The following TPM4 variants were observed in gnomAD, a reference collection of about 807,000 sequenced individuals.
TPM4 encodes the protein tropomyosin alpha-4 chain.
A neutral mutation model predicts 35.8 loss-of-function variants in TPM4; 17 were observed. The ratio of observed to expected loss-of-function variants is 0.47; its 90% confidence interval spans 0.32 to 0.71. TPM4 has a LOEUF of 0.71. Among genes scored for constraint, TPM4 ranks in the 30% least tolerant of loss-of-function variants. The pLI, the probability that TPM4 is intolerant of heterozygous loss-of-function variation, is 0.03. For missense variants in TPM4, 240 were observed against 320.9 expected, an observed-to-expected ratio of 0.75 and a Z score of 1.93; for synonymous variants, 120 against 122.9, an observed-to-expected ratio of 0.98 and a Z score of 0.15.
chr19:16,102,208 G>A lies in TPM4; in HGVS notation c.*862G>A, dbSNP rs542892536. On this transcript the variant is annotated 3_prime_UTR_variant, in exon 8 of 8. Transcript: ENST00000643579. ...CTAAAAATACAAAAATTATGGTGACGCCTGCCTGTAGTCCCAGCTACTCGG... is the reference window on the plus strand; with the variant it reads ...CTAAAAATACAAAAATTATGGTGACACCTGCCTGTAGTCCCAGCTACTCGG... 6 of 186,432 alleles carry A rather than the reference G, an allele frequency of 3.2e-5. No homozygotes were observed. The South Asian group carries it at 5.9e-4, about 18-fold the overall frequency. The allele number at this position is 186,432 out of a possible 1,614,324, so 11.5% of individuals were successfully genotyped here. A position where few individuals can be genotyped will look rare whatever the true frequency, so the allele number is the denominator to read the frequency against.
At chr19:16,093,833 G>C (rs1042778318) in intron 7 of TPM4, 80 bp downstream of exon 7, 38 of 1,533,838 alleles carry the variant, frequency 2.5e-5, no homozygotes, top group Non-Finnish European at 3.1e-5. Context: ...GGGAATGTTT[G>C]TGGAGGGGCT....
chr19:16,080,354 T>C (rs1358750172), intron 1 of TPM4: 2 of 206,784 alleles, frequency 9.7e-6, no homozygotes, highest in African/African-American at 2.3e-5. Context: ...AATAAAACCG[T>C]GGCAGTAAGA....
At chr19:16,086,266 C>T (rs1258904205) in intron 2 of TPM4, among the ~76,000 whole-genome samples, 157 bp from the exon 3 acceptor site, 3 of 151,824 alleles carry the variant, frequency 2.0e-5, no homozygotes, top group African/African-American at 4.8e-5. Context: ...AGGAGAATCG[C>T]TTGAACCCGG....
chr19:16,099,718 C>G (rs2090742586), intron 7 of TPM4: 1 of 152,136 alleles, frequency 6.6e-6, no homozygotes, highest in Admixed American at 6.6e-5. Context: ...GGCCTTGTCC[C>G]TTATCAGCCA....
At chr19:16,088,118 G>T in intron 4 of TPM4, 21 bp downstream of exon 4, 1 of 1,604,660 alleles carries the variant, frequency 6.2e-7, no homozygotes, top group South Asian at 1.1e-5. Flanking sequence ...GAACAGGACT[G>T]AGCGAGGCTG....
At chr19:16,086,218 C>T (rs1045368579) in intron 2 of TPM4, among the ~76,000 whole-genome samples, 6 of 151,122 alleles carry the variant, frequency 4.0e-5, no homozygotes, top group Non-Finnish European at 7.4e-5. Flanking sequence ...GACATGGTGA[C>T]GGGTGCCTGT....
At chr19:16,069,976 G>A (rs2090341045) in intron 2 of TPM4, among the ~76,000 whole-genome samples, 1 of 151,872 alleles carries the variant, frequency 6.6e-6, no homozygotes, top group Non-Finnish European at 1.5e-5. Flanking sequence ...CTGCCCAGGA[G>A]AATGGCACGG....
intron 4 of TPM4, 66 bp from the exon 5 acceptor site, chr19:16,088,979 G>A: frequency 6.2e-7 from 1 of 1,607,206 alleles, no homozygotes; most frequent in Non-Finnish European, 8.5e-7. Context: ...TTTATTGTTG[G>A]GGCGATTGCT....
intron 5 of TPM4, among the ~76,000 whole-genome samples, chr19:16,090,325 C>G (rs2090610475): frequency 1.3e-5 from 2 of 151,604 alleles, no homozygotes; most frequent in South Asian, 4.2e-4. Flanking sequence ...TCTATGTTGC[C>G]TAGGCTGGTC....
chr19:16,088,475 C>T (rs571690264), intron 4 of TPM4: 2 of 1,080,144 alleles, frequency 1.9e-6, no homozygotes, highest in East Asian at 6.5e-5. Context: ...TGCTTTTGCT[C>T]CTGTCAGTGT....
At position 16,102,938 on chromosome 19, in the gene TPM4, A is replaced by G; in HGVS notation, c.*1592A>G. ...AAAATCCACACTTTAGATTCTTGCA[A>G]CTGTATCATATGTAATAGTATCACT... On this transcript the variant is annotated 3_prime_UTR_variant, in exon 8 of 8. Transcript: ENST00000643579. 4.6e-6 allele frequency: 1 copy of G among 218,180 alleles called. No individual in the cohort carries two copies. 13.5% of individuals were successfully genotyped at this position (218,180 alleles called of 1,614,324 possible).
intron 2 of TPM4, among the ~76,000 whole-genome samples, chr19:16,083,613 T>C (rs531511874): frequency 6.9e-6 from 1 of 145,352 alleles, no homozygotes; most frequent in South Asian, 2.1e-4. Context: ...CAGCAGTCTG[T>C]GTGTGGTGGA....
chr19:16,096,669 C>T (rs949543073), intron 7 of TPM4, among the ~76,000 whole-genome samples: 5 of 152,166 alleles, frequency 3.3e-5, no homozygotes, highest in African/African-American at 7.2e-5. Flanking sequence ...TTCACCTCCA[C>T]GCCCTGCCCT....
At chr19:16,088,324 T>G (rs1221737527) in intron 4 of TPM4, 94 of 1,368,690 alleles carry the variant, frequency 6.9e-5, no homozygotes, top group Non-Finnish European at 7.7e-5. Flanking sequence ...TGCAAAGATA[T>G]GAGGAAATAG....
At position 16,085,255 on chromosome 19, in the gene TPM4, G is replaced by GA. The variant is rs1334811686; in HGVS notation, c.267-1160dup. Among the ~76,000 whole-genome samples, 3 of 149,832 alleles carry GA rather than the reference G, an allele frequency of 2.0e-5. No individual in the cohort carries two copies. In the East Asian group the frequency reaches 6.0e-4, roughly 30 times the overall value. On this transcript the variant is annotated intron_variant, in intron 2 of 7. Transcript: ENST00000643579. ...GCAACAGAGTGAGAACCTGTCTCAA[G>GA]AAAAAAAATAAATAAATACACAACG...
chr19:16,069,625 T>TTTCTATTG (rs1348058711), intron 2 of TPM4, among the ~76,000 whole-genome samples: 3 of 148,190 alleles, frequency 2.0e-5, no homozygotes, highest in African/African-American at 7.5e-5. Context: ...GCTGTGTGTG[T>TTTCTATTG]GTGGGTGAGT....
At chr19:16,085,667 T>C (rs193040229) in intron 2 of TPM4, among the ~76,000 whole-genome samples, 16 of 152,332 alleles carry the variant, frequency 1.1e-4, no homozygotes, top group Non-Finnish European at 2.2e-4. Flanking sequence ...CTTAAGTTAC[T>C]TACCCTCTCT....
intron 1 of TPM4, chr19:16,079,946 C>CCCA (rs1436889928): frequency 1.1e-5 from 2 of 177,994 alleles, no homozygotes; most frequent in Admixed American, 6.3e-5. Context: ...ATGTGATCCA[C>CCCA]CCACCTCCGC....
At chr19:16,088,144 C>T (rs769001665) in intron 4 of TPM4, 47 bp downstream of exon 4, 15 of 1,581,840 alleles carry the variant, frequency 9.5e-6, no homozygotes, top group South Asian at 4.6e-5. Context: ...ATTCCTGGGG[C>T]GGAGTGGGAA....
Sources: allele counts gnomAD v4.1 joint callset (sites outside exome capture counted in the v4.1 genomes callset), GRCh38; gene constraint gnomAD v4.1.1; transcripts MANE v1.5; gene names NCBI Gene and HGNC (gene_info 2026-07-23, HGNC 2026-07-21).